Variants in LAMP1 observed in about 807,000 individuals in gnomAD.
LAMP1 encodes the protein lysosome-associated membrane glycoprotein 1.
LAMP1 carries 7 observed loss-of-function variants against 37.5 expected under a neutral mutation model. The ratio of observed to expected loss-of-function variants is 0.19; its 90% CI spans 0.11 to 0.35. The LOEUF is 0.35. Ranked by LOEUF, LAMP1 falls within the 10% of genes least tolerant of loss-of-function variation. The pLI is 1.00. For missense variants in LAMP1, 537 were observed against 552.8 expected (o/e 0.97, Z 0.29); for synonymous variants, 236 against 229.1 (o/e 1.03, Z -0.27).
At chr13:113,306,834 C>CATTTTTT (rs1555311184) in intron 2 of LAMP1, among the ~76,000 whole-genome samples, 4 of 80,160 alleles carry the variant, frequency 5.0e-5, no homozygotes, top group South Asian at 1.2e-3. Flanking sequence ...GAACATTTTC[C>CATTTTTT]TTTTTTTTTT....
rs1438338050 is a variant in LAMP1 at position 113,320,176 on chromosome 13, A to C, written c.751-169A>C. Among the ~76,000 whole-genome samples the C allele has an allele frequency of 1.3e-5, 2 of 151,998 alleles. No homozygotes were observed. Among genetic ancestry groups the C allele is most frequent in the Non-Finnish European group, 2.9e-5 (2 of 68,006 alleles). ...GAGCAGCTGTCACGGGGTCAGGGAG[A>C]GTCATCTTGGGATCCCGAAATCTGT... On this transcript the variant is annotated intron_variant, in intron 5 of 8. Coordinates refer to ENST00000332556, the MANE Select transcript of LAMP1 (RefSeq NM_005561.4). This position sits in a 1 kb window ranked among gnomAD's most constrained non-coding sequence, Gnocchi z 4.4.
rs9577230 is a variant in LAMP1, at chr13:113,321,453, T to C, written c.926T>C (p.Ile309Thr). The change falls in exon 7 of 9, where the codon ATT becomes ACT. Residue 309 changes from isoleucine to threonine, a missense_variant. Physicochemically the swap from Ile to Thr is moderately conservative, Grantham distance 89 (BLOSUM62 -1). Coordinates refer to ENST00000332556, the MANE Select transcript of LAMP1 (RefSeq NM_005561.4). This position sits in a 1 kb window ranked among gnomAD's most constrained non-coding sequence, Gnocchi z 5.6. Reference sequence around the variant, plus strand: ...CTACAAGGAATCCAGTTGAATACAATTCTTCCTGACGCCAGAGGTGAGAAC... The same window carrying C: ...CTACAAGGAATCCAGTTGAATACAACTCTTCCTGACGCCAGAGGTGAGAAC... ...FFLQGIQLNT[I>T]LPDARDPAFK... 18,432 of 1,613,980 alleles carry C rather than the reference T, an allele frequency of 0.011. 931 individuals carry two copies. In the East Asian group the frequency reaches 0.13, roughly 12 times the overall value.
At chr13:113,314,374 AC>A (rs2042649013) in intron 4 of LAMP1, among the ~76,000 whole-genome samples, 1 of 81,280 alleles carries the variant, frequency 1.2e-5, no homozygotes, top group Non-Finnish European at 2.2e-5. Flanking sequence ...CCTGGAGGGA[AC>A]CAGCGTGGAG....
intron 4 of LAMP1, among the ~76,000 whole-genome samples, chr13:113,315,356 T>C (rs1181524996): frequency 2.0e-5 from 3 of 150,956 alleles, no homozygotes; most frequent in Admixed American, 6.6e-5. Flanking sequence ...GGGTGGCGCT[T>C]CACCAGAAAG....
intron 1 of LAMP1, among the ~76,000 whole-genome samples, chr13:113,300,114 T>G (rs1489567584): frequency 6.6e-6 from 1 of 152,232 alleles, no homozygotes; most frequent in African/African-American, 2.4e-5. Flanking sequence ...TGTGACCCTT[T>G]AAACCATTGA....
At position 113,316,669 on chromosome 13, in the gene LAMP1, C is replaced by A. The variant is rs533622858; in HGVS notation, c.563-2800C>A. On this transcript the variant is annotated intron_variant, in intron 4 of 8. Coordinates refer to ENST00000332556, the MANE Select transcript of LAMP1 (RefSeq NM_005561.4). Reference sequence around the variant, plus strand: ...ATCTCCTGACCTCGTGATCCGCCCGCCTCGGCCTCCCAAAGTGCTGGGATT... The same window carrying A: ...ATCTCCTGACCTCGTGATCCGCCCGACTCGGCCTCCCAAAGTGCTGGGATT... Among the ~76,000 whole-genome samples, 12 of 152,226 alleles carry A rather than the reference C, an allele frequency of 7.9e-5. No individual in the cohort carries two copies. The South Asian group carries it at 2.3e-3, about 29-fold the overall frequency.
rs2042697057 is a variant in LAMP1 at position 113,321,186 on chromosome 13, C to G, written c.877-218C>G. On this transcript the variant is annotated intron_variant, in intron 6 of 8. Coordinates refer to ENST00000332556, the MANE Select transcript of LAMP1 (RefSeq NM_005561.4). The surrounding 1 kb of genome is among the most constrained non-coding windows in gnomAD (Gnocchi z 5.6). ...CAGAGCAAGACTCTCAGAGAAGGGT[C>G]TGGAAGGAACTAACCAAAATTTTCA... is the stretch of plus-strand genomic sequence containing the variant. The G allele has an allele frequency of 3.7e-6, 2 of 538,244 alleles. No homozygotes were observed. Among genetic ancestry groups the G allele is most frequent in the Non-Finnish European group, 6.7e-6 (2 of 299,252 alleles). 33.3% of individuals were successfully genotyped at this position (538,244 alleles called of 1,614,324 possible).
In LAMP1 at chr13:113,323,385, A is replaced by G. The variant is rs1365631933; in HGVS notation, c.*964A>G. On this transcript the variant is annotated 3_prime_UTR_variant, in exon 9 of 9. Transcript: ENST00000332556. ...ATTGTACACGGGACCAGCTCACGTA[A>G]TGCATTGCCTGTAACAATGTAATAA... 1.3e-5 allele frequency: 2 copies of G among 152,144 alleles called. No homozygotes were observed. The highest frequency in any genetic ancestry group is 4.2e-4 in the South Asian group (2 of 4,804). 9.4% of individuals were successfully genotyped at this position (152,144 alleles called of 1,614,324 possible).
intron 1 of LAMP1, among the ~76,000 whole-genome samples, chr13:113,302,379 G>A (rs537150614): frequency 6.7e-4 from 102 of 151,594 alleles, no homozygotes; most frequent in African/African-American, 2.3e-3. Flanking sequence ...TAGTAGAGAC[G>A]GGGTTTCACC....
chr13:113,301,704 CA>C (rs2042575404), intron 1 of LAMP1, among the ~76,000 whole-genome samples: 1 of 142,206 alleles, frequency 7.0e-6, no homozygotes, highest in East Asian at 2.0e-4. Flanking sequence ...TACACACACA[CA>C]CACTTATACC....
intron 8 of LAMP1, 45 bp from the exon 9 acceptor site, chr13:113,322,236 GC>G: frequency 1.3e-6 from 2 of 1,568,874 alleles, no homozygotes; most frequent in East Asian, 2.3e-5. Flanking sequence ...CTGTTTGCAG[GC>G]CCCTGTGTGA....
In LAMP1 at chr13:113,301,638, AAAAAAAATATATATAT is replaced by A. The variant is rs1460777715; in HGVS notation, c.61+4145_61+4160del. On this transcript the variant is annotated intron_variant, in intron 1 of 8. Transcript: ENST00000332556. ...ACTCTGTTTCCATTTAAAAAAAAAAAAAAAAAATATATATATATATATATATATATATATATATATA... is the reference window on the plus strand; with the variant it reads ...ACTCTGTTTCCATTTAAAAAAAAAAAATATATATATATATATATATATATA... Among the ~76,000 whole-genome samples, 68 of 28,958 alleles carry A rather than the reference AAAAAAAATATATATAT, an allele frequency of 2.3e-3. 2 individuals are homozygous for A. The highest frequency in any genetic ancestry group is 6.1e-3 in the African/African-American group (66 of 10,896). The allele number at this position is 28,958 out of a possible 152,430, so 19.0% of individuals were successfully genotyped here. A position where few individuals can be genotyped will look rare whatever the true frequency, so the allele number is the denominator to read the frequency against.
Position 113,322,386 on chromosome 13 carries a change from A to C in LAMP1, c.1219A>C (p.Arg407=). The change falls in exon 9 of 9, where the codon AGG becomes CGG. Residue 407 remains arginine (R), a synonymous_variant. Coordinates refer to ENST00000332556, the MANE Select transcript of LAMP1 (RefSeq NM_005561.4). ...LIVLIAYLVG[R]KRSHAGYQTI is the part of the protein sequence containing the mutation. ...CGTCCTCATCGCCTACCTCGTCGGCAGGAAGAGGAGTCACGCAGGCTACCA... is the reference window on the plus strand; with the variant it reads ...CGTCCTCATCGCCTACCTCGTCGGCCGGAAGAGGAGTCACGCAGGCTACCA... The C allele has an allele frequency of 6.2e-7, 1 of 1,613,746 alleles. No individual in the cohort carries two copies. The highest frequency in any genetic ancestry group is 1.3e-5 in the African/African-American group (1 of 75,010).
chr13:113,304,666 T>C (rs2042589601), intron 1 of LAMP1, among the ~76,000 whole-genome samples: 1 of 151,932 alleles, frequency 6.6e-6, no homozygotes, highest in Non-Finnish European at 1.5e-5. Context: ...TTTTCTTTTT[T>C]TTTTTTTGAG....
intron 4 of LAMP1, among the ~76,000 whole-genome samples, chr13:113,318,215 C>T (rs547292808): frequency 1.3e-5 from 2 of 152,304 alleles, no homozygotes; most frequent in South Asian, 2.1e-4. Context: ...TCTCAGAACC[C>T]GTTGGGGTGC....
At chr13:113,298,407 TC>T (rs572001092) in intron 1 of LAMP1, among the ~76,000 whole-genome samples, 1 of 146,920 alleles carries the variant, frequency 6.8e-6, no homozygotes, top group African/African-American at 2.5e-5. Flanking sequence ...TTTCACCTCC[TC>T]CCCCCGCCGC....
rs1472233655 is a variant in LAMP1 at position 113,321,986 on chromosome 13, A to G, written c.1114+259A>G. Reference sequence around the variant, plus strand: ...AAGAAACAGTGGTGGCGCTTCTCCCATGAACGTTGAATACAACACTGTCAT... The same window carrying G: ...AAGAAACAGTGGTGGCGCTTCTCCCGTGAACGTTGAATACAACACTGTCAT... On this transcript the variant is annotated intron_variant, in intron 8 of 8. Coordinates refer to ENST00000332556, the MANE Select transcript of LAMP1 (RefSeq NM_005561.4). This position sits in a 1 kb window ranked among gnomAD's most constrained non-coding sequence, Gnocchi z 5.6. The G allele has an allele frequency of 5.1e-6, 3 of 588,244 alleles. No individual in the cohort carries two copies. Among genetic ancestry groups the G allele is most frequent in the African/African-American group, 3.7e-5 (2 of 53,694 alleles). 36.4% of individuals were successfully genotyped at this position (588,244 alleles called of 1,614,324 possible).
intron 1 of LAMP1, among the ~76,000 whole-genome samples, chr13:113,303,198 T>C (rs1595457240): frequency 6.6e-6 from 1 of 152,340 alleles, no homozygotes; most frequent in East Asian, 1.9e-4. Context: ...GCTCTGCTAC[T>C]GGCCATGGTT....
At chr13:113,315,026 G>T (rs2042653571) in intron 4 of LAMP1, among the ~76,000 whole-genome samples, 2 of 137,734 alleles carry the variant, frequency 1.5e-5, no homozygotes, top group Non-Finnish European at 3.1e-5. Context: ...TGTGCCTGGG[G>T]CGTGGCCTCC....
Sources: allele counts gnomAD v4.1 joint callset (sites outside exome capture counted in the v4.1 genomes callset), GRCh38; gene constraint gnomAD v4.1.1; non-coding constraint Gnocchi (gnomAD v3.1); transcripts MANE v1.5; gene names NCBI Gene and HGNC (gene_info 2026-07-23, HGNC 2026-07-21).